The following GARIN2 variants were observed in gnomAD, a reference collection of about 807,000 sequenced individuals.
GARIN2 encodes golgi associated RAB2 interactor family member 2, also known as Golgi-associated RAB2 interactor protein 2.
the GARIN2 span, among the ~76,000 whole-genome samples, chr14:67,211,038 G>A: frequency 2.0e-5 from 3 of 152,090 alleles, no homozygotes; most frequent in African/African-American, 7.2e-5. Context: ...TTTGCAGTCA[G>A]ATCTCTGGGT....
the GARIN2 span, among the ~76,000 whole-genome samples, chr14:67,192,822 G>A: frequency 7.0e-6 from 1 of 143,302 alleles, no homozygotes; most frequent in African/African-American, 2.5e-5. Flanking sequence ...ATATCTATAT[G>A]TACAGATCTA....
At chr14:67,210,471 A>C in the GARIN2 span, among the ~76,000 whole-genome samples, 1 of 152,176 alleles carries the variant, frequency 6.6e-6, no homozygotes, top group Admixed American at 6.6e-5. Context: ...CTATGTTAGT[A>C]ATAAGGAATT....
At chr14:67,204,442 AAAAC>A in the GARIN2 span, 7 of 1,399,284 alleles carry the variant, frequency 5.0e-6, no homozygotes, top group Non-Finnish European at 6.5e-6. Context: ...AACTTGTCTC[AAAAC>A]AAACAAACAA....
At chr14:67,205,333 G>T in the GARIN2 span, among the ~76,000 whole-genome samples, 1 of 152,128 alleles carries the variant, frequency 6.6e-6, no homozygotes, top group African/African-American at 2.4e-5. Context: ...GAAATGGAAA[G>T]AATTTTGGAA....
At chr14:67,208,915 GA>G in the GARIN2 span, among the ~76,000 whole-genome samples, 36 of 138,256 alleles carry the variant, frequency 2.6e-4, no homozygotes, top group African/African-American at 5.1e-4. Context: ...AAAAAGAAAA[GA>G]AAAAAAAAAG....
the GARIN2 span, chr14:67,221,593 C>A: frequency 2.6e-6 from 1 of 377,520 alleles, no homozygotes; most frequent in Non-Finnish European, 3.6e-6. Flanking sequence ...CCACATGTTG[C>A]AGAAATTTAG....
the GARIN2 span, among the ~76,000 whole-genome samples, chr14:67,206,342 T>TA: frequency 6.6e-6 from 1 of 151,332 alleles, no homozygotes; most frequent in Non-Finnish European, 1.5e-5. Flanking sequence ...TACTAAAAAA[T>TA]AAAAATTAGC....
At chr14:67,203,063 T>C in the GARIN2 span, 4 of 1,602,534 alleles carry the variant, frequency 2.5e-6, no homozygotes, top group African/African-American at 4.0e-5. Context: ...CATTTCATCA[T>C]ATAACGCCTT....
the GARIN2 span, chr14:67,224,731 A>C: frequency 3.6e-6 from 1 of 278,196 alleles, no homozygotes; most frequent in South Asian, 3.2e-5. Context: ...AAAGAAGAGA[A>C]AGAAAAATCA....
chr14:67,215,513 A>AAAC, the GARIN2 span, among the ~76,000 whole-genome samples: 42,463 of 151,150 alleles, frequency 0.28, 10,152 homozygotes, highest in African/African-American at 0.63. Context: ...AAAGATTAAA[A>AAAC]AACAACAACA....
At chr14:67,193,344 ATC>A in the GARIN2 span, among the ~76,000 whole-genome samples, 1,936 of 138,538 alleles carry the variant, frequency 0.014, 19 homozygotes, top group Non-Finnish European at 0.022. Flanking sequence ...ATAGATATCT[ATC>A]TATATAGAGA....
chr14:67,223,784 T>A, the GARIN2 span: 24 of 985,590 alleles, frequency 2.4e-5, no homozygotes, highest in South Asian at 1.1e-3. Context: ...TTCCCCTGAT[T>A]AGCATTTCTT....
chr14:67,215,420 T>A, the GARIN2 span, among the ~76,000 whole-genome samples: 3 of 151,652 alleles, frequency 2.0e-5, no homozygotes, highest in East Asian at 5.8e-4. Context: ...TTTTTTTTTA[T>A]GATAACCACT....
chr14:67,221,855 A>C, the GARIN2 span: 2 of 1,604,026 alleles, frequency 1.2e-6, no homozygotes, highest in Non-Finnish European at 1.7e-6. Context: ...CCTGGTATTC[A>C]GTAGTCATCT....
the GARIN2 span, among the ~76,000 whole-genome samples, chr14:67,210,545 G>C: frequency 1.3e-5 from 2 of 152,138 alleles, no homozygotes; most frequent in Non-Finnish European, 2.9e-5. Context: ...CTATAGTCTG[G>C]GAAGAAACCA....
the GARIN2 span, among the ~76,000 whole-genome samples, chr14:67,217,115 A>G: frequency 6.6e-6 from 1 of 151,806 alleles, no homozygotes; most frequent in Admixed American, 6.6e-5. Context: ...TACAATTGTT[A>G]TATCTTCACG....
chr14:67,192,406 CA>C, the GARIN2 span, among the ~76,000 whole-genome samples: 6 of 151,886 alleles, frequency 4.0e-5, no homozygotes, highest in African/African-American at 1.5e-4. Context: ...ACACCTTGAA[CA>C]ATCAACATGT....
At chr14:67,199,588 T>C in the GARIN2 span, 160 of 1,595,106 alleles carry the variant, frequency 1.0e-4, 1 homozygote, top group Admixed American at 2.6e-3. Flanking sequence ...CCGTATCTTA[T>C]GCCTTCGAGA....
the GARIN2 span, among the ~76,000 whole-genome samples, chr14:67,190,132 CT>C: frequency 2.0e-4 from 28 of 139,496 alleles, no homozygotes; most frequent in Non-Finnish European, 4.1e-4. Context: ...CCAGGCTGGT[CT>C]TTAACTCCTG....
Sources: allele counts gnomAD v4.1 joint callset (sites outside exome capture counted in the v4.1 genomes callset), GRCh38; gene constraint gnomAD v4.1.1; transcripts MANE v1.5; gene names NCBI Gene and HGNC (gene_info 2026-07-23, HGNC 2026-07-21).